The following CD1B variants were observed in gnomAD, a reference collection of about 807,000 sequenced individuals.
CD1B encodes the protein CD1b molecule, also known as T-cell surface glycoprotein CD1b.
In CD1B, 43 loss-of-function variants were observed where a neutral mutation model predicts 39.8. The observed-to-expected ratio is 1.08, with a 90% confidence interval of 0.85 to 1.39. CD1B has a LOEUF of 1.39. CD1B is among the 40% of genes most tolerant of loss of function. The pLI is 0.00. For missense variants in CD1B, 495 were observed against 403.8 expected (o/e 1.23, Z -1.94); for synonymous variants, 192 against 152.5 (o/e 1.26, Z -1.91).
At chr1:158,289,449 A>G in the CD1B span, among the ~76,000 whole-genome samples, 1 of 152,224 alleles carries the variant, frequency 6.6e-6, no homozygotes, top group African/African-American at 2.4e-5. Flanking sequence ...ATAATTGTGC[A>G]GGGAAATCTT....
At chr1:158,330,486 G>A (rs369884845) in intron 2 of CD1B, 12 of 571,926 alleles carry the variant, frequency 2.1e-5, no homozygotes, top group Non-Finnish European at 2.2e-5. Flanking sequence ...AAAGCCACAC[G>A]TTAGATCACT....
chr1:158,326,024 C>T (rs758765960), downstream of CD1B, among the ~76,000 whole-genome samples: 53 of 152,156 alleles, frequency 3.5e-4, no homozygotes, highest in Non-Finnish European at 5.4e-4. Flanking sequence ...AGCTGGAGTG[C>T]AGTGGCGCGA....
At chr1:158,327,081 G>A (rs574216384), downstream of CD1B, among the ~76,000 whole-genome samples, 51 of 152,220 alleles carry the variant, frequency 3.4e-4, 1 homozygote, top group Non-Finnish European at 1.2e-4. Flanking sequence ...ACAGGCGTGA[G>A]CCACCACGCT....
chr1:158,312,721 G>T, the CD1B span, among the ~76,000 whole-genome samples: 1 of 152,240 alleles, frequency 6.6e-6, no homozygotes, highest in Non-Finnish European at 1.5e-5. Flanking sequence ...AAATTTTACT[G>T]AATTTATTAG....
the CD1B span, among the ~76,000 whole-genome samples, chr1:158,316,467 TTGG>T: frequency 5.9e-5 from 9 of 151,452 alleles, no homozygotes; most frequent in African/African-American, 1.9e-4. Context: ...TTGTCTGTTG[TTGG>T]TGTATAAGAA....
Position 158,328,039 on chromosome 1 carries a change from A to G in CD1B, c.*197T>C, listed in dbSNP as rs1391107588. 1.8e-6 allele frequency: 1 copy of G among 547,632 alleles called. No individual in the cohort carries two copies. Among genetic ancestry groups the G allele is most frequent in the Middle Eastern group, 4.6e-4 (1 of 2,154 alleles). 33.9% of individuals were successfully genotyped at this position (547,632 alleles called of 1,614,324 possible). On this transcript the variant is annotated 3_prime_UTR_variant, in exon 6 of 6. Coordinates refer to ENST00000368168, the MANE Select transcript of CD1B (RefSeq NM_001764.3). ...TAAAATCAGGGTGAATCACACTGTT[A>G]GTACAGTCTCATAATAAATTTACAG... is the stretch of plus-strand genomic sequence containing the variant.
At chr1:158,296,808 G>C in the CD1B span, among the ~76,000 whole-genome samples, 1 of 152,122 alleles carries the variant, frequency 6.6e-6, no homozygotes, top group Non-Finnish European at 1.5e-5. Flanking sequence ...AATACAATTG[G>C]AAGTATTAAA....
chr1:158,319,911 G>A, the CD1B span, among the ~76,000 whole-genome samples: 77 of 152,242 alleles, frequency 5.1e-4, 4 homozygotes, highest in South Asian at 0.016. Context: ...GTCTGTTGGA[G>A]TACCCTGCCG....
At chr1:158,303,636 AC>A in the CD1B span, among the ~76,000 whole-genome samples, 1 of 152,208 alleles carries the variant, frequency 6.6e-6, no homozygotes, top group Non-Finnish European at 1.5e-5. Flanking sequence ...TAAAGTCCAG[AC>A]CGAGAGCTAA....
At chr1:158,329,725 T>C (rs1652508064) in intron 3 of CD1B, 77 bp from the exon 4 acceptor site, 1 of 1,572,406 alleles carries the variant, frequency 6.4e-7, no homozygotes, top group Non-Finnish European at 8.6e-7. Flanking sequence ...ACCTACAAGC[T>C]TGGACAGCGA....
the CD1B span, among the ~76,000 whole-genome samples, chr1:158,320,059 C>G: frequency 1.3e-5 from 2 of 152,242 alleles, no homozygotes; most frequent in Non-Finnish European, 2.9e-5. Flanking sequence ...CCACTGCTCT[C>G]TTCAAAGCTG....
chr1:158,296,995 G>A, the CD1B span, among the ~76,000 whole-genome samples: 2 of 152,318 alleles, frequency 1.3e-5, no homozygotes, highest in Admixed American at 1.3e-4. Flanking sequence ...GAAAGAGAGA[G>A]AGAGAGAGTG....
chr1:158,306,335 G>A, the CD1B span, among the ~76,000 whole-genome samples: 2 of 152,016 alleles, frequency 1.3e-5, no homozygotes, highest in African/African-American at 4.8e-5. Flanking sequence ...GACAAAGAAA[G>A]CCATTACATA....
At chr1:158,305,561 A>G in the CD1B span, among the ~76,000 whole-genome samples, 2 of 152,174 alleles carry the variant, frequency 1.3e-5, no homozygotes, top group East Asian at 1.9e-4. Flanking sequence ...CCAACATTCA[A>G]ACTCAGGAAA....
At chr1:158,291,027 A>T in the CD1B span, 20 of 1,177,550 alleles carry the variant, frequency 1.7e-5, no homozygotes, top group Non-Finnish European at 2.3e-5. Context: ...TAAAGTAGTC[A>T]TTAATGTTTC....
At chr1:158,302,605 T>C in the CD1B span, among the ~76,000 whole-genome samples, 1 of 152,112 alleles carries the variant, frequency 6.6e-6, no homozygotes, top group Non-Finnish European at 1.5e-5. Context: ...AAAGGGGGCA[T>C]TGCCACCAAC....
At chr1:158,314,751 A>C in the CD1B span, among the ~76,000 whole-genome samples, 2 of 151,320 alleles carry the variant, frequency 1.3e-5, no homozygotes, top group Non-Finnish European at 2.9e-5. Context: ...GGTGCGCGGC[A>C]CCCACTAACT....
At chr1:158,330,253 T>C in intron 2 of CD1B, 123 bp from the exon 3 acceptor site, 1 of 838,702 alleles carries the variant, frequency 1.2e-6, no homozygotes, top group East Asian at 2.4e-5. Context: ...GATGATGAGC[T>C]AAAAACTAAT....
chr1:158,311,359 T>A, the CD1B span, among the ~76,000 whole-genome samples: 2 of 152,140 alleles, frequency 1.3e-5, no homozygotes, highest in Non-Finnish European at 2.9e-5. Context: ...CTTTTGCCCT[T>A]TAAAATTTAA....
Sources: allele counts gnomAD v4.1 joint callset (sites outside exome capture counted in the v4.1 genomes callset), GRCh38; gene constraint gnomAD v4.1.1; transcripts MANE v1.5; gene names NCBI Gene and HGNC (gene_info 2026-07-23, HGNC 2026-07-21).